FARP1: variants seen among roughly 807,000 people sequenced by gnomAD.
FARP1 encodes FERM, ARHGEF and pleckstrin domain-containing protein 1.
A neutral mutation model predicts 128.8 loss-of-function variants in FARP1; 52 were observed. The ratio of observed to expected loss-of-function variants is 0.40; its 90% CI spans 0.32 to 0.51. The LOEUF (loss-of-function observed/expected upper bound fraction) is 0.51, where lower values mean the gene tolerates loss of function less well. Among genes scored for constraint, FARP1 ranks in the 20% least tolerant of loss-of-function variants. The pLI is 0.45. For synonymous variants in FARP1, 580 were observed against 551.8 expected, an observed-to-expected ratio of 1.05 and a Z score of -0.72; for missense variants, 1,333 against 1,367.9, an observed-to-expected ratio of 0.97 and a Z score of 0.40.
chr13:98,282,887 G>A (rs1243685023), intron 2 of FARP1, among the ~76,000 whole-genome samples: 3 of 151,660 alleles, frequency 2.0e-5, no homozygotes, highest in African/African-American at 7.3e-5. Context: ...GCAACAGGGC[G>A]AGACTCCGTC....
Position 98,435,545 on chromosome 13 carries a change from G to A in FARP1, c.2144-31G>A, listed in dbSNP as rs367972368. 2.4e-4 allele frequency: 374 copies of A among 1,582,330 alleles called. No individual in the cohort carries two copies. In the African/African-American group the frequency reaches 4.5e-3, roughly 19 times the overall value. On this transcript the variant is annotated intron_variant, in intron 18 of 26. Transcript: ENST00000319562. ...GGGAAGACCCCTGCCTGCCTTTCCC[G>A]CTGCAGACTGTGTATGTCTTTCCTT...
intron 17 of FARP1, among the ~76,000 whole-genome samples, chr13:98,429,215 G>C (rs566786198): frequency 7.1e-4 from 108 of 152,348 alleles, no homozygotes; most frequent in African/African-American, 2.4e-3. Flanking sequence ...CAGGAGTACA[G>C]AGCAGGGCAG....
At chr13:98,148,362 A>G (rs1566663184) in intron 1 of FARP1, among the ~76,000 whole-genome samples, 1 of 152,180 alleles carries the variant, frequency 6.6e-6, no homozygotes, top group Non-Finnish European at 1.5e-5. Flanking sequence ...TGGGCAACAA[A>G]AGTGAAACTC....
chr13:98,171,422 C>G (rs541455797), intron 1 of FARP1, among the ~76,000 whole-genome samples: 1 of 152,300 alleles, frequency 6.6e-6, no homozygotes, highest in African/African-American at 2.4e-5. Context: ...TGTTGGAATT[C>G]TCTGAGCATC....
At chr13:98,179,619 C>CTTTGGAT (rs1295483086) in intron 1 of FARP1, among the ~76,000 whole-genome samples, 2 of 152,026 alleles carry the variant, frequency 1.3e-5, no homozygotes, top group Admixed American at 6.5e-5. Context: ...AATCCCAGCA[C>CTTTGGAT]TTTGGGAGGC....
At chr13:98,164,445 T>C (rs1692414268) in intron 1 of FARP1, among the ~76,000 whole-genome samples, 1 of 152,212 alleles carries the variant, frequency 6.6e-6, no homozygotes, top group East Asian at 1.9e-4. Flanking sequence ...TCTTGGTAGG[T>C]TTATGCTCAA....
rs56030081 is a variant in FARP1 at position 98,309,153 on chromosome 13, C to CTTTTTTTTTT, written c.172-34588_172-34579dup. ...TATATTAATATTAATTTTAAGAGGCCTTTTTTTTTTTTTTTTTTTTTTTTT... is the reference window on the plus strand; with the variant it reads ...TATATTAATATTAATTTTAAGAGGCCTTTTTTTTTTTTTTTTTTTTTTTTTTTTTTTTTTT... On this transcript the variant is annotated intron_variant, in intron 2 of 26. Transcript: ENST00000319562. Among the ~76,000 whole-genome samples the CTTTTTTTTTT allele has an allele frequency of 7.8e-5, 7 of 89,670 alleles. 3 individuals are homozygous for CTTTTTTTTTT. Among genetic ancestry groups the CTTTTTTTTTT allele is most frequent in the Non-Finnish European group, 8.3e-5 (4 of 48,410 alleles). The allele number at this position is 89,670 out of a possible 152,430, so 58.8% of individuals were successfully genotyped here. A position where few individuals can be genotyped will look rare whatever the true frequency, so the allele number is the denominator to read the frequency against.
chr13:98,336,552 G>A (rs1381156086), intron 2 of FARP1, among the ~76,000 whole-genome samples: 2 of 152,206 alleles, frequency 1.3e-5, no homozygotes, highest in African/African-American at 4.8e-5. Flanking sequence ...GATTACAGGT[G>A]TGAGCCACTG....
chr13:98,176,578 TAA>T lies in FARP1; in HGVS notation c.-24+33087_-24+33088del. Reference sequence around the variant, plus strand: ...CCGTTCAATCTCCCACCCGAGCTTGTAATCGGAACGGTCGTGGAGGAATTTGC... The same window carrying T: ...CCGTTCAATCTCCCACCCGAGCTTGTTCGGAACGGTCGTGGAGGAATTTGC... On this transcript the variant is annotated intron_variant, in intron 1 of 26. Coordinates refer to ENST00000319562, the MANE Select transcript of FARP1 (RefSeq NM_005766.4). The surrounding 1 kb of genome is among the most constrained non-coding windows in gnomAD (Gnocchi z 6.2). 6.2e-7 allele frequency: 1 copy of T among 1,614,178 alleles called. No individual in the cohort carries two copies. Among genetic ancestry groups the T allele is most frequent in the Non-Finnish European group, 8.5e-7 (1 of 1,180,034 alleles).
chr13:98,430,988 C>A, intron 17 of FARP1, 55 bp from the exon 18 acceptor site: 1 of 1,155,356 alleles, frequency 8.7e-7, no homozygotes, highest in South Asian at 1.3e-5. Context: ...CTGGGCAGAA[C>A]ACAGGTGCAT....
At chr13:98,377,037 T>C (rs2140006575) in intron 5 of FARP1, among the ~76,000 whole-genome samples, 1 of 152,156 alleles carries the variant, frequency 6.6e-6, no homozygotes, top group East Asian at 1.9e-4. Context: ...GTGCAGTGGG[T>C]CATGCTTGTG....
intron 1 of FARP1, among the ~76,000 whole-genome samples, chr13:98,144,713 T>C (rs1386590420): frequency 2.6e-5 from 4 of 152,194 alleles, no homozygotes; most frequent in Admixed American, 6.5e-5. Flanking sequence ...TCTTATTCAG[T>C]CTGAACAAGG....
At position 98,263,101 on chromosome 13, in the gene FARP1, C is replaced by T. The variant is rs113917203; in HGVS notation, c.171+49688C>T. On this transcript the variant is annotated intron_variant, in intron 2 of 26. Coordinates refer to ENST00000319562, the MANE Select transcript of FARP1 (RefSeq NM_005766.4). ...TCGGCTCACCGCAACCTCCACCTCC[C>T]GGTTTCAAGCGATTCTCCTGCCTCA... Among the ~76,000 whole-genome samples, 1,053 of 152,144 alleles carry T rather than the reference C, an allele frequency of 6.9e-3. 13 individuals carry two copies. The highest frequency in any genetic ancestry group is 0.024 in the African/African-American group (1,013 of 41,502).
At chr13:98,342,163 A>G (rs747040121) in intron 2 of FARP1, among the ~76,000 whole-genome samples, 13 of 152,226 alleles carry the variant, frequency 8.5e-5, no homozygotes, top group Non-Finnish European at 1.9e-4. Flanking sequence ...ACAGGAATGT[A>G]GAGGAGGAAA....
chr13:98,286,454 C>T (rs1007931618), intron 2 of FARP1, among the ~76,000 whole-genome samples: 59 of 152,212 alleles, frequency 3.9e-4, no homozygotes, highest in African/African-American at 1.4e-3. Context: ...CCATACTGTT[C>T]TCATGGTAGT....
intron 17 of FARP1, 150 bp from the exon 18 acceptor site, chr13:98,430,893 T>G: frequency 1.7e-6 from 1 of 605,520 alleles, no homozygotes; most frequent in East Asian, 2.7e-5. Flanking sequence ...ACAAAAAGAG[T>G]GAACTATGAA....
At chr13:98,154,151 C>T (rs1024422132) in intron 1 of FARP1, among the ~76,000 whole-genome samples, 3 of 152,150 alleles carry the variant, frequency 2.0e-5, no homozygotes, top group Non-Finnish European at 4.4e-5. Context: ...TATGGATGTA[C>T]CACAGTGTGT....
intron 3 of FARP1, among the ~76,000 whole-genome samples, chr13:98,344,638 C>T (rs954702683): frequency 3.3e-5 from 5 of 152,216 alleles, no homozygotes; most frequent in South Asian, 2.1e-4. Context: ...AGCTCTGAAA[C>T]GGGATGAGAA....
chr13:98,397,113 T>C (rs1890580077), intron 13 of FARP1: 1 of 152,216 alleles, frequency 6.6e-6, no homozygotes, highest in South Asian at 2.1e-4. Context: ...TCCTGTGAAA[T>C]ACTAGAAAAG....
Sources: allele counts gnomAD v4.1 joint callset (sites outside exome capture counted in the v4.1 genomes callset), GRCh38; gene constraint gnomAD v4.1.1; non-coding constraint Gnocchi (gnomAD v3.1); transcripts MANE v1.5; gene names NCBI Gene and HGNC (gene_info 2026-07-23, HGNC 2026-07-21).